The following PRRC2C variants were observed in gnomAD, a reference collection of about 807,000 sequenced individuals.
The protein encoded by PRRC2C is proline rich coiled-coil 2C.
Under a neutral mutation model 317.2 loss-of-function variants are expected in PRRC2C, and 72 were observed. The ratio of observed to expected loss-of-function variants is 0.23; its 90% CI spans 0.19 to 0.28. The LOEUF is 0.28. Ranked by LOEUF, PRRC2C falls within the 10% of genes least tolerant of loss-of-function variation. The pLI is 1.00. For synonymous variants in PRRC2C, 1,296 were observed against 1,205.9 expected, an observed-to-expected ratio of 1.07 and a Z score of -1.55; for missense variants, 3,074 against 3,459.7, an observed-to-expected ratio of 0.89 and a Z score of 2.80.
chr1:171,538,918 C>T (rs1677358571), intron 15 of PRRC2C, among the ~76,000 whole-genome samples: 1 of 151,716 alleles, frequency 6.6e-6, no homozygotes, highest in Non-Finnish European at 1.5e-5. Context: ...TTCATGTTGC[C>T]CTGGCTGGTC....
intron 1 of PRRC2C, among the ~76,000 whole-genome samples, chr1:171,507,031 C>T (rs1670379455): frequency 6.6e-6 from 1 of 151,970 alleles, no homozygotes; most frequent in Non-Finnish European, 1.5e-5. Flanking sequence ...CCCCTCCCCA[C>T]CCCCCTTGAT....
At chr1:171,558,213 T>A in intron 19 of PRRC2C, 70 bp downstream of exon 19, 1 of 1,456,412 alleles carries the variant, frequency 6.9e-7, no homozygotes, top group Middle Eastern at 2.0e-4. Context: ...TCAATTTTAT[T>A]TATATACTCT....
Position 171,587,643 on chromosome 1 carries a change from C to T in PRRC2C, c.7969-5C>T, listed in dbSNP as rs1650358173. The T allele has an allele frequency of 1.9e-6, 3 of 1,582,078 alleles. No homozygotes were observed. The highest frequency in any genetic ancestry group is 1.3e-5 in the African/African-American group (1 of 74,132). ...ATGTTAAGTTTATTTTATGCTTCTCCTCAGATGTCTGAAATGGAACTAAAA... is the reference window on the plus strand; with the variant it reads ...ATGTTAAGTTTATTTTATGCTTCTCTTCAGATGTCTGAAATGGAACTAAAA... On this transcript the variant is annotated splice_polypyrimidine_tract_variant and splice_region_variant and intron_variant, in intron 31 of 34. Coordinates refer to ENST00000647382, the MANE Select transcript of PRRC2C (RefSeq NM_001387844.1).
chr1:171,582,242 A>G (rs1648782743), intron 28 of PRRC2C, among the ~76,000 whole-genome samples: 1 of 152,244 alleles, frequency 6.6e-6, no homozygotes, highest in African/African-American at 2.4e-5. Flanking sequence ...GTGAACACAA[A>G]AAGAGAATTA....
At chr1:171,534,713 A>T (rs974624493) in intron 12 of PRRC2C, among the ~76,000 whole-genome samples, 3 of 152,114 alleles carry the variant, frequency 2.0e-5, no homozygotes, top group African/African-American at 7.2e-5. Flanking sequence ...GTCATGCACC[A>T]CCATGACCTG....
At chr1:171,504,640 A>T (rs1180133524) in intron 1 of PRRC2C, among the ~76,000 whole-genome samples, 1 of 152,040 alleles carries the variant, frequency 6.6e-6, no homozygotes. Flanking sequence ...TTATTTTTAC[A>T]CCAGTACCAC....
chr1:171,587,015 T>A lies in PRRC2C; in HGVS notation c.7762T>A (p.Leu2588Ile). The A allele has an allele frequency of 6.2e-7, 1 of 1,604,692 alleles. No individual in the cohort carries two copies. The highest frequency in any genetic ancestry group is 8.5e-7 in the Non-Finnish European group (1 of 1,174,498). ...ACTTATTTTCTAGGTTACAGTACCT[T>A]TACCAGCATCGCAGCTTTCCTTGCC... ...PSALQQVTVP[L>I]PASQLSLPNF... The change falls in exon 31 of 35, where the codon TTA becomes ATA. Residue 2588 changes from leucine to isoleucine, a missense_variant. By Grantham distance (5) the Leu-to-Ile change is conservative (BLOSUM62 2). This residue lies in a region of PRRC2C where 490 missense variants were observed against 663.1 expected (regional missense o/e 0.74). Coordinates refer to ENST00000647382, the MANE Select transcript of PRRC2C (RefSeq NM_001387844.1).
chr1:171,543,481 TG>T (rs1310996546), intron 16 of PRRC2C, among the ~76,000 whole-genome samples: 1 of 152,174 alleles, frequency 6.6e-6, no homozygotes, highest in African/African-American at 2.4e-5. Context: ...ACCGCTAAAA[TG>T]GGGAGAAAAT....
chr1:171,520,945 C>T lies in PRRC2C; in HGVS notation c.751-1232C>T, dbSNP rs182540417. 2.0e-5 allele frequency among the ~76,000 whole-genome samples: 3 copies of T among 152,076 alleles called. No homozygotes were observed. The East Asian group carries it at 5.8e-4, about 29-fold the overall frequency. On this transcript the variant is annotated intron_variant, in intron 6 of 34. Transcript: ENST00000647382. Reference sequence around the variant, plus strand: ...TCAGCATCCTGAGTTACTGGGATTACAGGCACGCCCACCACACCTAGCTAA... The same window carrying T: ...TCAGCATCCTGAGTTACTGGGATTATAGGCACGCCCACCACACCTAGCTAA...
chr1:171,543,861 ACT>A (rs1325884798), intron 16 of PRRC2C, among the ~76,000 whole-genome samples: 1 of 152,004 alleles, frequency 6.6e-6, no homozygotes, highest in Non-Finnish European at 1.5e-5. Flanking sequence ...GTTGGTAGAG[ACT>A]CTGCAGAGTC....
chr1:171,582,744 A>G (rs554958655), intron 28 of PRRC2C, among the ~76,000 whole-genome samples: 1 of 152,164 alleles, frequency 6.6e-6, no homozygotes, highest in South Asian at 2.1e-4. Context: ...CTTACCATGA[A>G]TGGAGCTTGC....
At chr1:171,513,591 T>TAC in intron 3 of PRRC2C, 2 of 357,278 alleles carry the variant, frequency 5.6e-6, no homozygotes, top group Non-Finnish European at 1.1e-5. Context: ...TAATAATTTG[T>TAC]ATATACTGTA....
chr1:171,489,841 C>T (rs976032769), intron 1 of PRRC2C, among the ~76,000 whole-genome samples: 2 of 152,178 alleles, frequency 1.3e-5, no homozygotes, highest in Non-Finnish European at 2.9e-5. Context: ...ATTTCTGCTT[C>T]GTCCCAAACC....
rs1466312657 is a variant in PRRC2C, at chr1:171,562,471, T to TA, written c.6117+1369dup. ...ATTCATAGGTGGCAAGAGTAGAAGT[T>TA]ACGATATTACAATAATTGAATGATG... On this transcript the variant is annotated intron_variant, in intron 20 of 34. Transcript: ENST00000647382. Among the ~76,000 whole-genome samples, 12 of 152,326 alleles carry TA rather than the reference T, an allele frequency of 7.9e-5. No homozygotes were observed. In the East Asian group the frequency reaches 2.3e-3, roughly 29 times the overall value.
chr1:171,511,447 A>T (rs1671369754), intron 1 of PRRC2C: 1 of 152,208 alleles, frequency 6.6e-6, no homozygotes, highest in African/African-American at 2.4e-5. Flanking sequence ...TTTGAAAAAA[A>T]TGGATACTAT....
chr1:171,501,799 G>T (rs529473460), intron 1 of PRRC2C, among the ~76,000 whole-genome samples: 4 of 152,350 alleles, frequency 2.6e-5, no homozygotes, highest in Admixed American at 6.5e-5. Flanking sequence ...ATGCTACTGA[G>T]CATGCTGTTT....
At chr1:171,497,240 AGTTT>A (rs1487442584) in intron 1 of PRRC2C, among the ~76,000 whole-genome samples, 5 of 152,270 alleles carry the variant, frequency 3.3e-5, no homozygotes, top group Middle Eastern at 6.8e-3. Flanking sequence ...TTTATATTTC[AGTTT>A]GTTAATTTCT....
chr1:171,566,897 G>A, intron 22 of PRRC2C, 54 bp downstream of exon 22: 1 of 1,529,934 alleles, frequency 6.5e-7, no homozygotes. Flanking sequence ...TGTCTAAAAT[G>A]AACGAGAAGA....
At chr1:171,572,968 A>C (rs912440647) in intron 24 of PRRC2C, among the ~76,000 whole-genome samples, 1 of 152,222 alleles carries the variant, frequency 6.6e-6, no homozygotes, top group East Asian at 1.9e-4. Context: ...CATAAAGCAT[A>C]GAAAAGTTAT....
Sources: allele counts gnomAD v4.1 joint callset (sites outside exome capture counted in the v4.1 genomes callset), GRCh38; gene constraint gnomAD v4.1.1; regional missense constraint gnomAD v4.1.1; transcripts MANE v1.5; gene names NCBI Gene and HGNC (gene_info 2026-07-23, HGNC 2026-07-21).